Variants in WDR37 observed in about 807,000 individuals in gnomAD.
The protein encoded by WDR37 is WD repeat domain 37.
A neutral mutation model predicts 62.9 loss-of-function variants in WDR37; 19 were observed. The ratio of observed to expected loss-of-function variants is 0.30; its 90% CI spans 0.21 to 0.44. WDR37 has a LOEUF of 0.44. Among genes scored for constraint, WDR37 ranks in the 20% least tolerant of loss-of-function variants. The pLI is 1.00. For synonymous variants in WDR37, 250 were observed against 260.9 expected (o/e 0.96, Z 0.40); for missense variants, 474 against 657.6 (o/e 0.72, Z 3.05).
intron 11 of WDR37, 176 bp from the exon 12 acceptor site, chr10:1,124,042 C>A: frequency 1.4e-6 from 1 of 699,590 alleles, no homozygotes; most frequent in East Asian, 2.7e-5. Flanking sequence ...AATCAGTTGT[C>A]CTTTTCTTGC....
At chr10:1,094,494 T>G (rs1834501730) in intron 8 of WDR37, among the ~76,000 whole-genome samples, 1 of 152,192 alleles carries the variant, frequency 6.6e-6, no homozygotes, top group South Asian at 2.1e-4. Context: ...GTGGGAGGGT[T>G]AGCCTGAGAG....
intron 11 of WDR37, among the ~76,000 whole-genome samples, chr10:1,113,973 T>TA (rs1554825605): frequency 2.8e-5 from 4 of 144,640 alleles, no homozygotes; most frequent in African/African-American, 1.1e-4. Context: ...TTTTTTTTTT[T>TA]AAGATGGGAG....
chr10:1,059,783 C>T (rs1378337639), intron 1 of WDR37, among the ~76,000 whole-genome samples: 6 of 152,042 alleles, frequency 3.9e-5, no homozygotes, highest in South Asian at 2.1e-4. Flanking sequence ...GGCGACAGAG[C>T]GAGACTCTGT....
intron 7 of WDR37, among the ~76,000 whole-genome samples, chr10:1,089,466 T>G (rs115601027): frequency 0.012 from 1,766 of 152,256 alleles, 38 homozygotes; most frequent in African/African-American, 0.041. Context: ...TTATAATTAA[T>G]TCCACTAGGG....
chr10:1,069,007 AAAG>A (rs752798532), intron 1 of WDR37, among the ~76,000 whole-genome samples: 50 of 152,154 alleles, frequency 3.3e-4, no homozygotes, highest in Non-Finnish European at 6.5e-4. Flanking sequence ...ATATGGAGAG[AAAG>A]TAAATTAGTG....
intron 7 of WDR37, among the ~76,000 whole-genome samples, chr10:1,086,558 TC>T (rs1010915502): frequency 6.6e-6 from 1 of 152,212 alleles, no homozygotes; most frequent in African/African-American, 2.4e-5. Flanking sequence ...AAAGCTTAAC[TC>T]CCTAAACAAT....
chr10:1,125,945 C>T (rs529090387), intron 13 of WDR37, among the ~76,000 whole-genome samples: 2 of 152,356 alleles, frequency 1.3e-5, no homozygotes, highest in African/African-American at 4.8e-5. Flanking sequence ...ATCGAGACTC[C>T]ATGGCACCCG....
Position 1,109,764 on chromosome 10 carries a change from T to C in WDR37, c.1103+4497T>C, listed in dbSNP as rs138264067. ...ATTTGTGGTACATTTTTGCAGCTAG[T>C]GGATACATGAAACAATGGTAGTTTT... On this transcript the variant is annotated intron_variant, in intron 11 of 13. Transcript: ENST00000263150. Among the ~76,000 whole-genome samples, 491 of 152,326 alleles carry C rather than the reference T, an allele frequency of 3.2e-3. 3 individuals are homozygous for C. Among genetic ancestry groups the C allele is most frequent in the African/African-American group, 0.011 (456 of 41,566 alleles).
rs1247392553 is a variant in WDR37, at chr10:1,129,378, A to C, written c.*34A>C. The C allele has an allele frequency of 6.2e-7, 1 of 1,613,306 alleles. No homozygotes were observed. The highest frequency in any genetic ancestry group is 8.5e-7 in the Non-Finnish European group (1 of 1,179,374). The stretch of plus-strand genomic sequence containing the variant: ...GCAGCCCTTAGTTTCACTGTTTGCC[A>C]GCACAGACCTTTGATGGGTGCAGGC... On this transcript the variant is annotated 3_prime_UTR_variant, in exon 14 of 14. Transcript: ENST00000263150.
chr10:1,104,940 G>A (rs1834956167), intron 10 of WDR37, among the ~76,000 whole-genome samples, 186 bp from the exon 11 acceptor site: 2 of 152,156 alleles, frequency 1.3e-5, no homozygotes, highest in African/African-American at 4.8e-5. Flanking sequence ...GACATGGACG[G>A]CTGAAAGGAC....
At chr10:1,092,872 C>CAAAAAAAAAAAAAAAAAAAAAAAAA (rs56220560) in intron 7 of WDR37, among the ~76,000 whole-genome samples, 16 of 41,976 alleles carry the variant, frequency 3.8e-4, no homozygotes, top group East Asian at 2.9e-3. Context: ...CCCTATCTCA[C>CAAAAAAAAAAAAAAAAAAAAAAAAA]AAAAAAAAAA....
intron 1 of WDR37, among the ~76,000 whole-genome samples, chr10:1,065,273 A>G (rs1833499903): frequency 6.6e-6 from 1 of 152,264 alleles, no homozygotes; most frequent in South Asian, 2.1e-4. Context: ...GTAAAGAAGC[A>G]TAGAGGAAAG....
intron 11 of WDR37, among the ~76,000 whole-genome samples, chr10:1,108,112 C>T (rs1462645346): frequency 6.6e-6 from 1 of 152,242 alleles, no homozygotes; most frequent in Admixed American, 6.5e-5. Flanking sequence ...GGATGTTCTC[C>T]TAATACAGTA....
intron 3 of WDR37, 34 bp from the exon 4 acceptor site, chr10:1,079,977 T>TA: frequency 6.3e-7 from 1 of 1,596,736 alleles, no homozygotes; most frequent in Non-Finnish European, 8.6e-7. Context: ...CATAAAAACA[T>TA]ACTTTAGATT....
intron 9 of WDR37, among the ~76,000 whole-genome samples, chr10:1,100,858 C>A (rs886804563): frequency 1.3e-5 from 2 of 152,202 alleles, no homozygotes; most frequent in South Asian, 4.1e-4. Context: ...CCGAGTACCC[C>A]CCTGCTGCAG....
chr10:1,066,858 A>G (rs1380184081), intron 1 of WDR37, among the ~76,000 whole-genome samples: 1 of 152,230 alleles, frequency 6.6e-6, no homozygotes, highest in Non-Finnish European at 1.5e-5. Context: ...GGAGCGAGTC[A>G]CATTCTGCGT....
chr10:1,128,065 A>T (rs1321355105), intron 13 of WDR37, among the ~76,000 whole-genome samples: 5 of 152,056 alleles, frequency 3.3e-5, no homozygotes, highest in Non-Finnish European at 7.4e-5. Context: ...ACCCTTTGTT[A>T]TGTGGTCTTT....
Position 1,132,038 on chromosome 10 carries a change from AATGT to A in WDR37, c.*2698_*2701del, listed in dbSNP as rs1318461649. ...TGAAAAACATATTTCTTTGGAGGAA[AATGT>A]ATGCATTTATAAGTGTTCCATGGAA... On this transcript the variant is annotated 3_prime_UTR_variant, in exon 14 of 14. Coordinates refer to ENST00000263150, the MANE Select transcript of WDR37 (RefSeq NM_014023.4). 6.6e-6 allele frequency: 1 copy of A among 152,618 alleles called. No individual in the cohort carries two copies. The highest frequency in any genetic ancestry group is 1.5e-5 in the Non-Finnish European group (1 of 68,028). 9.5% of individuals were successfully genotyped at this position (152,618 alleles called of 1,614,324 possible).
chr10:1,106,556 G>A lies in WDR37; in HGVS notation c.1103+1289G>A, dbSNP rs1262637886. On this transcript the variant is annotated intron_variant, in intron 11 of 13. Transcript: ENST00000263150. The stretch of plus-strand genomic sequence containing the variant: ...TTAATAGACGGAGTCTCTTTCTGTC[G>A]CCCGGGCTGGAGTGCAGTGGTATGA... 9.2e-5 allele frequency among the ~76,000 whole-genome samples: 14 copies of A among 152,222 alleles called. No homozygotes were observed. In the East Asian group the frequency reaches 9.7e-4, roughly 11 times the overall value.
Sources: gnomAD v4.1 joint callset for allele counts (sites outside exome capture counted in the v4.1 genomes callset) on GRCh38, gnomAD v4.1.1 for gene constraint, MANE v1.5 for transcripts, NCBI Gene and HGNC (gene_info 2026-07-23, HGNC 2026-07-21) for gene names.